Variants in VTCN1 observed in about 807,000 individuals in gnomAD.
VTCN1 encodes the protein V-set domain containing T cell activation inhibitor 1.
A neutral mutation model predicts 26.5 loss-of-function variants in VTCN1; 26 were observed. The observed-to-expected ratio is 0.98, with a 90% confidence interval of 0.72 to 1.36. The LOEUF is 1.36. Among genes scored for constraint, VTCN1 ranks in the 40% most tolerant of loss-of-function variants. VTCN1 has a pLI of 0.00. For synonymous variants in VTCN1, 116 were observed against 130.7 expected, an observed-to-expected ratio of 0.89 and a Z score of 0.77; for missense variants, 298 against 337.7, an observed-to-expected ratio of 0.88 and a Z score of 0.92.
rs1652681590 is a variant in VTCN1, at chr1:117,167,491, A to G, written c.97+2616T>C. Among the ~76,000 whole-genome samples the G allele has an allele frequency of 6.6e-6, 1 of 152,200 alleles. No homozygotes were observed. Among genetic ancestry groups the G allele is most frequent in the Admixed American group, 6.5e-5 (1 of 15,280 alleles). On this transcript the variant is annotated intron_variant, in intron 2 of 5. Transcript: ENST00000369458. This position sits in a 1 kb window ranked among gnomAD's most constrained non-coding sequence, Gnocchi z 4.1. ...CTTTTGTGCTCTTCTGTAGTTCCACATTATGTTTTGCATATGAAAATGTAC... is the reference window on the plus strand; with the variant it reads ...CTTTTGTGCTCTTCTGTAGTTCCACGTTATGTTTTGCATATGAAAATGTAC...
intron 1 of VTCN1, among the ~76,000 whole-genome samples, chr1:117,198,642 T>C (rs1279758837): frequency 1.3e-5 from 2 of 152,184 alleles, no homozygotes; most frequent in African/African-American, 4.8e-5. Context: ...ACCACCCACC[T>C]GGTAGTTGTC....
rs1444149794 is a variant in VTCN1, at chr1:117,145,317, T to C, written c.*46-92A>G. 1 of 152,162 alleles carries C rather than the reference T, an allele frequency of 6.6e-6. No homozygotes were observed. The highest frequency in any genetic ancestry group is 6.5e-5 in the Admixed American group (1 of 15,274). The allele number at this position is 152,162 out of a possible 1,614,324, so 9.4% of individuals were successfully genotyped here. On this transcript the variant is annotated intron_variant, in intron 5 of 5. Coordinates refer to ENST00000369458, the MANE Select transcript of VTCN1 (RefSeq NM_024626.4). This position sits in a 1 kb window ranked among gnomAD's most constrained non-coding sequence, Gnocchi z 4.6. ...TGAGAGCTTCCCTGCCACTGCGTGG[T>C]GTATCTCTTGTTTAGAAAGGGGCTT...
chr1:117,185,408 A>G (rs1322787372), intron 1 of VTCN1, among the ~76,000 whole-genome samples: 6 of 152,226 alleles, frequency 3.9e-5, no homozygotes, highest in Non-Finnish European at 8.8e-5. Context: ...AAATATACCT[A>G]GGCTGGGGAT....
chr1:117,188,151 G>A (rs1271352937), intron 1 of VTCN1, among the ~76,000 whole-genome samples: 2 of 152,134 alleles, frequency 1.3e-5, no homozygotes, highest in African/African-American at 2.4e-5. Flanking sequence ...GGGTAAGGTG[G>A]GGAACACCAT....
At chr1:117,174,021 A>G (rs1463368148) in intron 1 of VTCN1, among the ~76,000 whole-genome samples, 1 of 152,134 alleles carries the variant, frequency 6.6e-6, no homozygotes, top group Non-Finnish European at 1.5e-5. Flanking sequence ...CCTTGGAAAG[A>G]GAAGCAGGAA....
At chr1:117,152,279 CGGCAAACATTTATA>C (rs1250632163) in intron 4 of VTCN1, among the ~76,000 whole-genome samples, 1 of 152,108 alleles carries the variant, frequency 6.6e-6, no homozygotes, top group Non-Finnish European at 1.5e-5. Context: ...CAGTTAGATT[CGGCAAACATTTATA>C]GGGTACTTAT....
intron 1 of VTCN1, among the ~76,000 whole-genome samples, chr1:117,189,547 G>A (rs1016311853): frequency 2.6e-5 from 4 of 152,154 alleles, no homozygotes; most frequent in East Asian, 1.9e-4. Context: ...CCCTGCAGAG[G>A]TGGACTTTCT....
chr1:117,177,710 T>C (rs935667273), intron 1 of VTCN1, among the ~76,000 whole-genome samples: 13 of 152,008 alleles, frequency 8.6e-5, no homozygotes, highest in African/African-American at 2.9e-4. Context: ...TAGTGGATTC[T>C]TCCAAAGCAC....
chr1:117,164,016 T>C (rs1268123048), intron 2 of VTCN1, among the ~76,000 whole-genome samples: 1 of 152,140 alleles, frequency 6.6e-6, no homozygotes, highest in Non-Finnish European at 1.5e-5. Flanking sequence ...CACCAGGTTA[T>C]TTAGGGGTGT....
At chr1:117,202,095 A>G (rs577342660) in intron 1 of VTCN1, among the ~76,000 whole-genome samples, 6 of 152,296 alleles carry the variant, frequency 3.9e-5, no homozygotes, top group African/African-American at 1.2e-4. Flanking sequence ...GACTTACCCT[A>G]TCATGCCTCG....
intron 4 of VTCN1, among the ~76,000 whole-genome samples, chr1:117,152,443 C>A (rs979103381): frequency 2.6e-5 from 4 of 152,164 alleles, no homozygotes; most frequent in African/African-American, 9.7e-5. Context: ...TATGCATTTT[C>A]TTGATACTAG....
At chr1:117,199,853 C>G (rs1166722640) in intron 1 of VTCN1, among the ~76,000 whole-genome samples, 1 of 152,134 alleles carries the variant, frequency 6.6e-6, no homozygotes, top group Non-Finnish European at 1.5e-5. Flanking sequence ...CCAAGATGGT[C>G]TCCATCTCTT....
At chr1:117,158,018 T>G (rs2101473176) in intron 2 of VTCN1, among the ~76,000 whole-genome samples, 1 of 152,286 alleles carries the variant, frequency 6.6e-6, no homozygotes, top group South Asian at 2.1e-4. Context: ...AAGAGGTGGG[T>G]TTCCATGGTC....
chr1:117,153,209 G>A lies in VTCN1; in HGVS notation c.606C>T (p.Asn202=), dbSNP rs1388873995. ...SEVSNTSFEL[N]SENVTMKVVS... ...CAACCTTCATGGTCACATTCTCAGA[G>A]TTCAGCTCAAAGCTGGTATTGGAGA... The change falls in exon 4 of 6, where the codon AAC becomes AAT. Residue 202 remains asparagine (N), a synonymous_variant. Coordinates refer to ENST00000369458, the MANE Select transcript of VTCN1 (RefSeq NM_024626.4). The A allele has an allele frequency of 6.2e-7, 1 of 1,614,150 alleles. No homozygotes were observed. Among genetic ancestry groups the A allele is most frequent in the South Asian group, 1.1e-5 (1 of 91,078 alleles).
rs766728462 is a variant in VTCN1, at chr1:117,153,177, A to T, written c.638T>A (p.Val213Glu). 1 of 1,614,184 alleles carries T rather than the reference A, an allele frequency of 6.2e-7. No homozygotes were observed. Among genetic ancestry groups the T allele is most frequent in the Non-Finnish European group, 8.5e-7 (1 of 1,180,016 alleles). ...SENVTMKVVS[V>E]LYNVTINNTY... ...GTTGTTGATCGTAACATTGTAGAGC[A>T]CAGACACAACCTTCATGGTCACATT... Residue 213 changes from valine to glutamate, a missense_variant, in exon 4 of 6, where the codon GTG becomes GAG. Val to Glu is a moderately radical substitution (Grantham distance 121, BLOSUM62 -2). Transcript: ENST00000369458.
intron 1 of VTCN1, among the ~76,000 whole-genome samples, chr1:117,198,138 A>C (rs1363397825): frequency 6.6e-6 from 1 of 152,216 alleles, no homozygotes; most frequent in Admixed American, 6.5e-5. Flanking sequence ...ATCATAGGGA[A>C]GCCCCACCCT....
At chr1:117,195,172 G>A (rs1648449194) in intron 1 of VTCN1, among the ~76,000 whole-genome samples, 2 of 151,814 alleles carry the variant, frequency 1.3e-5, no homozygotes, top group Admixed American at 6.6e-5. Context: ...TGAGACAGGA[G>A]AATTGTTTCA....
intron 2 of VTCN1, among the ~76,000 whole-genome samples, chr1:117,157,457 A>C (rs968646896): frequency 6.6e-6 from 1 of 152,128 alleles, no homozygotes; most frequent in Non-Finnish European, 1.5e-5. Context: ...GTGGCAAGAG[A>C]AAAATGAGAA....
At chr1:117,160,115 T>C (rs542264203) in intron 2 of VTCN1, among the ~76,000 whole-genome samples, 2 of 152,260 alleles carry the variant, frequency 1.3e-5, no homozygotes, top group Non-Finnish European at 2.9e-5. Flanking sequence ...GCAGATGGCC[T>C]TGGAGCCCAA....
Sources: gnomAD v4.1 joint callset for allele counts (sites outside exome capture counted in the v4.1 genomes callset) on GRCh38, gnomAD v4.1.1 for gene constraint, Gnocchi (gnomAD v3.1) non-coding constraint, MANE v1.5 for transcripts, NCBI Gene and HGNC (gene_info 2026-07-23, HGNC 2026-07-21) for gene names.